GRM8: variants seen among roughly 807,000 people sequenced by gnomAD.
The protein encoded by GRM8 is glutamate metabotropic receptor 8, also known as metabotropic glutamate receptor 8.
A neutral mutation model predicts 87.2 loss-of-function variants in GRM8; 47 were observed. The observed-to-expected ratio is 0.54, with a 90% CI of 0.43 to 0.69. GRM8 has a LOEUF of 0.69. Ranked by LOEUF, GRM8 falls within the 30% of genes least tolerant of loss-of-function variation. The pLI is 0.00. For missense variants in GRM8, 1,019 were observed against 1,139.2 expected (o/e 0.89, Z 1.52); for synonymous variants, 396 against 404.5 (o/e 0.98, Z 0.25).
chr7:126,955,964 A>T (rs1258438543), intron 3 of GRM8, among the ~76,000 whole-genome samples: 1 of 152,176 alleles, frequency 6.6e-6, no homozygotes, highest in African/African-American at 2.4e-5. Context: ...TTTTTAAAAA[A>T]GAACTTGGAT....
chr7:126,904,647 C>A lies in GRM8; in HGVS notation c.764G>T (p.Arg255Leu), dbSNP rs78266043. The part of the protein sequence containing the change: ...VCIAQSQKIP[R>L]EPRPGEFEKI... ...TTCAAATTCTCCAGGTCTTGGTTCA[C>A]GTGGGATTTTCTGTGACTGAGCAAT... The change falls in exon 4 of 11, where the codon CGT becomes CTT. Residue 255 changes from arginine (R) to leucine (L), a missense_variant. By Grantham distance (102) the Arg-to-Leu change is moderately radical (BLOSUM62 -2). Coordinates refer to ENST00000339582, the MANE Select transcript of GRM8 (RefSeq NM_000845.3). 4 of 1,613,514 alleles carry A rather than the reference C, an allele frequency of 2.5e-6. No individual in the cohort carries two copies. In the South Asian group the frequency reaches 4.4e-5, roughly 18 times the overall value.
intron 9 of GRM8, among the ~76,000 whole-genome samples, chr7:126,525,951 G>C (rs1333703360): frequency 6.6e-6 from 1 of 151,938 alleles, no homozygotes; most frequent in African/African-American, 2.4e-5. Context: ...AGATAGCCCG[G>C]AATATATATT....
At chr7:126,800,896 T>C (rs1822601353) in intron 6 of GRM8, among the ~76,000 whole-genome samples, 1 of 152,126 alleles carries the variant, frequency 6.6e-6, no homozygotes, top group Non-Finnish European at 1.5e-5. Context: ...GTATTATTAG[T>C]ACTATTAAAA....
At chr7:127,057,137 G>A (rs754395584) in intron 3 of GRM8, among the ~76,000 whole-genome samples, 4 of 152,082 alleles carry the variant, frequency 2.6e-5, no homozygotes, top group Non-Finnish European at 4.4e-5. Context: ...TTATATCCAC[G>A]TTTACAGAAG....
intron 3 of GRM8, among the ~76,000 whole-genome samples, chr7:126,986,635 A>G (rs542516457): frequency 5.9e-4 from 90 of 152,266 alleles, no homozygotes; most frequent in Admixed American, 5.8e-3. Flanking sequence ...GAAAATATCC[A>G]TATACATTAA....
At chr7:127,215,264 G>C (rs1229038436) in intron 2 of GRM8, 1 of 152,166 alleles carries the variant, frequency 6.6e-6, no homozygotes, top group Non-Finnish European at 1.5e-5. Context: ...GTGAGTTTAA[G>C]CCCTAAACCT....
chr7:127,216,535 C>CAAAAAAA (rs796757040), intron 2 of GRM8, among the ~76,000 whole-genome samples: 2 of 115,958 alleles, frequency 1.7e-5, no homozygotes, highest in Non-Finnish European at 3.5e-5. Context: ...AAAAAAAAAA[C>CAAAAAAA]AAAAAAAAAA....
chr7:126,796,261 T>A (rs1485100500), intron 6 of GRM8, among the ~76,000 whole-genome samples: 1 of 151,944 alleles, frequency 6.6e-6, no homozygotes, highest in Non-Finnish European at 1.5e-5. Flanking sequence ...TGAAATTTCC[T>A]TAAAAGGTAT....
At chr7:127,212,290 A>C (rs1007010988) in intron 2 of GRM8, among the ~76,000 whole-genome samples, 1 of 152,212 alleles carries the variant, frequency 6.6e-6, no homozygotes, top group African/African-American at 2.4e-5. Context: ...TCACGTATCT[A>C]AGACAGACAT....
intron 3 of GRM8, among the ~76,000 whole-genome samples, chr7:126,972,523 G>T (rs17868676): frequency 1.9e-3 from 288 of 151,562 alleles, no homozygotes; most frequent in African/African-American, 6.7e-3. Flanking sequence ...AAGCAAGCAG[G>T]TTCTTTATTT....
intron 6 of GRM8, among the ~76,000 whole-genome samples, chr7:126,808,002 C>A (rs1321123963): frequency 1.3e-5 from 2 of 152,046 alleles, no homozygotes; most frequent in Non-Finnish European, 2.9e-5. Context: ...CACAATAAAC[C>A]TCAGGGTAGA....
intron 2 of GRM8, among the ~76,000 whole-genome samples, chr7:127,236,573 G>C (rs575345080): frequency 6.6e-6 from 1 of 152,100 alleles, no homozygotes; most frequent in African/African-American, 2.4e-5. Flanking sequence ...GAACAGCATG[G>C]AGAAAACCAC....
chr7:126,993,702 G>T (rs1812896087), intron 3 of GRM8, among the ~76,000 whole-genome samples: 2 of 152,150 alleles, frequency 1.3e-5, no homozygotes, highest in African/African-American at 4.8e-5. Context: ...GGGGGACTTT[G>T]CATTGAACTG....
At chr7:127,246,288 T>C (rs574812384) in intron 1 of GRM8, among the ~76,000 whole-genome samples, 1 of 152,246 alleles carries the variant, frequency 6.6e-6, no homozygotes, top group Non-Finnish European at 1.5e-5. Context: ...TAGTGGAGTC[T>C]GTGAGTTTTA....
chr7:126,598,477 G>C (rs1194899078), intron 8 of GRM8, among the ~76,000 whole-genome samples: 4 of 151,988 alleles, frequency 2.6e-5, no homozygotes, highest in Admixed American at 6.6e-5. Flanking sequence ...TTATTATTGG[G>C]AAAATCTAAG....
intron 7 of GRM8, among the ~76,000 whole-genome samples, chr7:126,643,091 G>A (rs1585336159): frequency 6.6e-6 from 1 of 151,360 alleles, no homozygotes; most frequent in East Asian, 2.0e-4. Context: ...AGGAATTTGA[G>A]ACCAGCCTGG....
chr7:126,774,278 C>G (rs1819173464), intron 6 of GRM8, among the ~76,000 whole-genome samples: 1 of 152,140 alleles, frequency 6.6e-6, no homozygotes, highest in African/African-American at 2.4e-5. Flanking sequence ...TCCTCACTTC[C>G]TATATTTGAT....
intron 2 of GRM8, among the ~76,000 whole-genome samples, chr7:127,172,460 T>C (rs1793865265): frequency 6.6e-6 from 1 of 152,090 alleles, no homozygotes; most frequent in Admixed American, 6.6e-5. Flanking sequence ...ATCCCAGGCC[T>C]TTGGGAGGCC....
chr7:126,807,463 A>G (rs1792883536), intron 6 of GRM8, among the ~76,000 whole-genome samples: 1 of 152,198 alleles, frequency 6.6e-6, no homozygotes, highest in Non-Finnish European at 1.5e-5. Context: ...GCTTTGGTCT[A>G]GGCTAACCCT....
Sources: gnomAD v4.1 joint callset for allele counts (sites outside exome capture counted in the v4.1 genomes callset) on GRCh38, gnomAD v4.1.1 for gene constraint, MANE v1.5 for transcripts, NCBI Gene and HGNC (gene_info 2026-07-23, HGNC 2026-07-21) for gene names.